SIAH3: variants seen among roughly 807,000 people sequenced by gnomAD.
SIAH3 encodes seven in absentia homolog 3.
A neutral mutation model predicts 12.6 loss-of-function variants in SIAH3; 9 were observed. That is an observed-to-expected ratio of 0.72 (90% CI 0.43 to 1.25). SIAH3 has a LOEUF of 1.25. SIAH3 is among the 50% of genes most tolerant of loss of function. SIAH3 has a pLI of 0.00. For synonymous variants in SIAH3, 154 were observed against 151.1 expected (o/e 1.02, Z -0.14); for missense variants, 390 against 365.4 (o/e 1.07, Z -0.55).
At chr13:45,814,184 A>T (rs1419814071) in intron 1 of SIAH3, among the ~76,000 whole-genome samples, 1 of 142,842 alleles carries the variant, frequency 7.0e-6, no homozygotes, top group Non-Finnish European at 1.5e-5. Flanking sequence ...GCTTGCAGTG[A>T]GCCGAGATGG....
chr13:45,827,156 G>A (rs778445508), intron 1 of SIAH3, among the ~76,000 whole-genome samples: 14 of 152,144 alleles, frequency 9.2e-5, no homozygotes, highest in Non-Finnish European at 1.0e-4. Flanking sequence ...GCTCTGGTCC[G>A]TGAAACTTAA....
intron 1 of SIAH3, among the ~76,000 whole-genome samples, chr13:45,815,099 T>TTTTA (rs1555258249): frequency 5.9e-5 from 9 of 151,736 alleles, no homozygotes; most frequent in African/African-American, 2.2e-4. Context: ...TTTTTTTTTT[T>TTTTA]AATCAACCAT....
intron 1 of SIAH3, among the ~76,000 whole-genome samples, chr13:45,788,857 C>T (rs950599783): frequency 6.6e-6 from 1 of 152,202 alleles, no homozygotes; most frequent in African/African-American, 2.4e-5. Flanking sequence ...TGCTCATGCC[C>T]TCATTTGTGA....
At chr13:45,784,079 T>C in intron 1 of SIAH3, 22 bp from the exon 2 acceptor site, 2 of 1,554,348 alleles carry the variant, frequency 1.3e-6, no homozygotes, top group Non-Finnish European at 1.7e-6. Context: ...GAGAAGAACG[T>C]CAGTGCGGGG....
intron 1 of SIAH3, among the ~76,000 whole-genome samples, chr13:45,795,161 G>A (rs1350875297): frequency 6.6e-6 from 1 of 151,994 alleles, no homozygotes; most frequent in East Asian, 1.9e-4. Context: ...ACCTTTCATG[G>A]AGAGATCCAG....
chr13:45,804,531 A>G (rs981440130), intron 1 of SIAH3, among the ~76,000 whole-genome samples: 4 of 152,178 alleles, frequency 2.6e-5, no homozygotes, highest in Non-Finnish European at 5.9e-5. Context: ...TACTAAAATC[A>G]ATTGAATTAT....
intron 1 of SIAH3, among the ~76,000 whole-genome samples, chr13:45,816,414 C>A (rs2137567423): frequency 6.6e-6 from 1 of 152,330 alleles, no homozygotes; most frequent in South Asian, 2.1e-4. Context: ...CCAAAGAAGA[C>A]AGGGTGTTTA....
At chr13:45,830,508 G>A (rs66890366) in intron 1 of SIAH3, among the ~76,000 whole-genome samples, 14,048 of 152,278 alleles carry the variant, frequency 0.092, 943 homozygotes, top group East Asian at 0.36. Flanking sequence ...AGAGCTTAGC[G>A]TACACACCTG....
chr13:45,821,467 T>C (rs1484695463), intron 1 of SIAH3, among the ~76,000 whole-genome samples: 1 of 152,244 alleles, frequency 6.6e-6, no homozygotes, highest in African/African-American at 2.4e-5. Flanking sequence ...ATGAATTTGA[T>C]TTCTTGTCTC....
At chr13:45,810,849 A>T (rs1374902282) in intron 1 of SIAH3, among the ~76,000 whole-genome samples, 1 of 152,042 alleles carries the variant, frequency 6.6e-6, no homozygotes, top group African/African-American at 2.4e-5. Flanking sequence ...GTCTGCATGC[A>T]TGGGGCCTGG....
At position 45,783,883 on chromosome 13, in the gene SIAH3, G is replaced by A; in HGVS notation, c.310C>T (p.Pro104Ser). 6.2e-7 allele frequency: 1 copy of A among 1,613,016 alleles called. No homozygotes were observed. The highest frequency in any genetic ancestry group is 8.5e-7 in the Non-Finnish European group (1 of 1,179,340). The change falls in exon 2 of 2, where the codon CCC (proline) becomes TCC (serine). Residue 104 changes from proline (P) to serine (S), a missense_variant. Pro to Ser is a moderately conservative substitution (Grantham distance 74). Transcript: ENST00000400405. ...EAGLHANPVTPCLCMCPLFSC... is the reference protein window; with the variant it reads ...EAGLHANPVTSCLCMCPLFSC... ...AACAAGGGACACATGCACAGGCAGG[G>A]CGTCACCGGGTTGGCGTGCAGCCCC...
intron 1 of SIAH3, among the ~76,000 whole-genome samples, chr13:45,825,972 AC>A (rs1950673070): frequency 6.7e-6 from 1 of 150,294 alleles, no homozygotes; most frequent in Admixed American, 6.6e-5. Flanking sequence ...GGCCCTCAAC[AC>A]CCCAGCCCTG....
At chr13:45,809,129 C>T (rs74071685) in intron 1 of SIAH3, among the ~76,000 whole-genome samples, 4,543 of 152,240 alleles carry the variant, frequency 0.03, 226 homozygotes, top group African/African-American at 0.1. Context: ...CCTGAGGCTG[C>T]GCTGCATAAC....
chr13:45,792,455 T>C (rs1034310966), intron 1 of SIAH3, among the ~76,000 whole-genome samples: 2 of 151,872 alleles, frequency 1.3e-5, no homozygotes, highest in African/African-American at 4.8e-5. Context: ...CCTCCTGGGT[T>C]CATGCAATTC....
intron 1 of SIAH3, among the ~76,000 whole-genome samples, chr13:45,825,829 C>A (rs1443281991): frequency 2.6e-5 from 4 of 152,288 alleles, no homozygotes; most frequent in Middle Eastern, 3.4e-3. Flanking sequence ...TGTAGGACAG[C>A]CCTACCCCAG....
intron 1 of SIAH3, among the ~76,000 whole-genome samples, chr13:45,823,098 T>A (rs930616335): frequency 1.3e-5 from 2 of 152,168 alleles, no homozygotes; most frequent in Non-Finnish European, 2.9e-5. Context: ...AAGGTGGGCA[T>A]CCTATTCCAT....
rs192155701 is a variant in SIAH3 at position 45,807,565 on chromosome 13, T to A, written c.136-23508A>T. Reference sequence around the variant, plus strand: ...TAGAGAAAAAAAAATCCCCTACTCCTACTGAGTTTTTAAATCTGTATTCCC... The same window carrying A: ...TAGAGAAAAAAAAATCCCCTACTCCAACTGAGTTTTTAAATCTGTATTCCC... On this transcript the variant is annotated intron_variant, in intron 1 of 1. Coordinates refer to ENST00000400405, the MANE Select transcript of SIAH3 (RefSeq NM_198849.3). Among the ~76,000 whole-genome samples the A allele has an allele frequency of 3.9e-3, 599 of 152,282 alleles. 2 individuals are homozygous for A. The highest frequency in any genetic ancestry group is 0.013 in the African/African-American group (531 of 41,576).
At chr13:45,791,156 C>T (rs1169499633) in intron 1 of SIAH3, among the ~76,000 whole-genome samples, 2 of 150,796 alleles carry the variant, frequency 1.3e-5, no homozygotes, top group Non-Finnish European at 1.5e-5. Context: ...GAGTGAGACC[C>T]TGTCTCAAAG....
At chr13:45,784,648 G>T (rs568805266) in intron 1 of SIAH3, among the ~76,000 whole-genome samples, 1 of 152,222 alleles carries the variant, frequency 6.6e-6, no homozygotes, top group South Asian at 2.1e-4. Flanking sequence ...TCCCTAAGGA[G>T]AGAGTCCCCG....
Sources: gnomAD v4.1 joint callset for allele counts (sites outside exome capture counted in the v4.1 genomes callset) on GRCh38, gnomAD v4.1.1 for gene constraint, MANE v1.5 for transcripts, NCBI Gene and HGNC (gene_info 2026-07-23, HGNC 2026-07-21) for gene names.